The following MYO3B variants were observed in gnomAD, a reference collection of about 807,000 sequenced individuals.
MYO3B encodes the protein myosin IIIB.
Under a neutral mutation model 174.6 loss-of-function variants are expected in MYO3B, and 156 were observed. The observed-to-expected ratio is 0.89, with a 90% CI of 0.78 to 1.02. The LOEUF (loss-of-function observed/expected upper bound fraction) is 1.02. MYO3B is among the 50% of genes least tolerant of loss of function. The pLI, the probability that MYO3B is intolerant of heterozygous loss-of-function variation, is 0.00. For synonymous variants in MYO3B, 563 were observed against 569.1 expected (o/e 0.99, Z 0.15); for missense variants, 1,632 against 1,639.4 (o/e 1.00, Z 0.08).
At chr2:170,642,954 A>G (rs1231382535) in intron 32 of MYO3B, among the ~76,000 whole-genome samples, 1 of 151,856 alleles carries the variant, frequency 6.6e-6, no homozygotes, top group Non-Finnish European at 1.5e-5. Context: ...TATGGTTCTT[A>G]TTGGGAAGGA....
chr2:170,594,431 T>A lies in MYO3B; in HGVS notation c.3733+50443T>A, dbSNP rs530465954. Among the ~76,000 whole-genome samples the A allele has an allele frequency of 5.8e-4, 89 of 152,308 alleles. No individual in the cohort carries two copies. In the South Asian group the frequency reaches 0.018, roughly 31 times the overall value. On this transcript the variant is annotated intron_variant, in intron 32 of 34. Transcript: ENST00000408978. Reference sequence around the variant, plus strand: ...GAAGATACAGGTTACATGATTTTAGTCCCTGGAATACCTGAAGCCAGCTCT... The same window carrying A: ...GAAGATACAGGTTACATGATTTTAGACCCTGGAATACCTGAAGCCAGCTCT...
chr2:170,342,945 T>C (rs1296725735), intron 8 of MYO3B, among the ~76,000 whole-genome samples: 1 of 152,028 alleles, frequency 6.6e-6, no homozygotes, highest in Non-Finnish European at 1.5e-5. Flanking sequence ...TTTCTCTTCT[T>C]TGACACCAAT....
chr2:170,239,898 C>T (rs1346089153), intron 7 of MYO3B, among the ~76,000 whole-genome samples: 2 of 152,146 alleles, frequency 1.3e-5, no homozygotes, highest in South Asian at 2.1e-4. Context: ...CCCACATCAG[C>T]GGGTCAGCAG....
chr2:170,637,025 T>C (rs1371818090), intron 32 of MYO3B, among the ~76,000 whole-genome samples: 1 of 151,810 alleles, frequency 6.6e-6, no homozygotes, highest in African/African-American at 2.4e-5. Context: ...GAAATATCAC[T>C]TGTATAACAC....
intron 8 of MYO3B, among the ~76,000 whole-genome samples, chr2:170,363,784 A>G (rs1413473790): frequency 2.0e-5 from 3 of 152,268 alleles, no homozygotes; most frequent in Non-Finnish European, 4.4e-5. Flanking sequence ...ACCACCCATC[A>G]TGGCCTTATT....
At chr2:170,277,502 A>G (rs1017086523) in intron 7 of MYO3B, among the ~76,000 whole-genome samples, 3 of 152,208 alleles carry the variant, frequency 2.0e-5, no homozygotes, top group African/African-American at 7.2e-5. Flanking sequence ...GCTGAGTGTG[A>G]TTGCACAAAG....
rs2092356488 is a variant in MYO3B at position 170,178,298 on chromosome 2, C to A, written c.2+9C>A. 6.2e-7 allele frequency: 1 copy of A among 1,613,996 alleles called. No homozygotes were observed. Among genetic ancestry groups the A allele is most frequent in the African/African-American group, 1.3e-5 (1 of 74,934 alleles). ...GAAAATAGGTCATCGATGTGAGTTG[C>A]AGTTATTTTCCTTCCAGCTTTCTTC... On this transcript the variant is annotated intron_variant, in intron 1 of 34. Transcript: ENST00000408978.
intron 22 of MYO3B, among the ~76,000 whole-genome samples, chr2:170,410,592 GAAAAAAA>G (rs59296953): frequency 8.9e-6 from 1 of 112,530 alleles, no homozygotes; most frequent in African/African-American, 3.4e-5. Context: ...CAAAAAAAAA[GAAAAAAA>G]AAAAAAAAAA....
chr2:170,178,371 C>CTT, intron 1 of MYO3B, 82 bp downstream of exon 1: 20 of 1,584,292 alleles, frequency 1.3e-5, no homozygotes, highest in Non-Finnish European at 1.6e-5. Flanking sequence ...TGCAGCTGCC[C>CTT]TGGCTGGTGG....
At chr2:170,596,990 T>C (rs1694193153) in intron 32 of MYO3B, among the ~76,000 whole-genome samples, 4 of 152,100 alleles carry the variant, frequency 2.6e-5, no homozygotes, top group Admixed American at 2.6e-4. Flanking sequence ...GGGTGGGGAA[T>C]CTCCGTTTCA....
At chr2:170,182,986 G>A (rs1214406589) in intron 1 of MYO3B, among the ~76,000 whole-genome samples, 1 of 152,004 alleles carries the variant, frequency 6.6e-6, no homozygotes, top group East Asian at 1.9e-4. Context: ...GCTGGGCGCT[G>A]TGGCTCATGC....
At chr2:170,540,403 C>T (rs1430730210) in intron 30 of MYO3B, among the ~76,000 whole-genome samples, 2 of 152,006 alleles carry the variant, frequency 1.3e-5, no homozygotes, top group African/African-American at 2.4e-5. Flanking sequence ...TGTATCCATG[C>T]AATAAGCATT....
At chr2:170,372,118 C>CAAAAAAAAAAAAAAAAAA (rs769243145) in intron 9 of MYO3B, among the ~76,000 whole-genome samples, 5 of 22,210 alleles carry the variant, frequency 2.3e-4, no homozygotes, top group African/African-American at 3.7e-4. Context: ...GACCCTGTCT[C>CAAAAAAAAAAAAAAAAAA]AAAAAAAAAA....
At chr2:170,531,839 T>C (rs887746159) in intron 30 of MYO3B, among the ~76,000 whole-genome samples, 1 of 152,108 alleles carries the variant, frequency 6.6e-6, no homozygotes, top group Admixed American at 6.5e-5. Context: ...TACAATAAAA[T>C]ATGAAATAAT....
intron 15 of MYO3B, 148 bp downstream of exon 15, chr2:170,391,766 A>G (rs1040938258): frequency 1.5e-5 from 9 of 584,816 alleles, no homozygotes; most frequent in Admixed American, 7.4e-5. Context: ...GGAAGTATCC[A>G]CCATTTTCAT....
intron 17 of MYO3B, 53 bp from the exon 18 acceptor site, chr2:170,401,424 AGACT>A: frequency 3.3e-6 from 5 of 1,508,482 alleles, no homozygotes; most frequent in Non-Finnish European, 4.6e-6. Flanking sequence ...AATGCTGAAC[AGACT>A]GACTGAATGA....
chr2:170,537,609 G>T (rs1689805924), intron 30 of MYO3B, among the ~76,000 whole-genome samples: 1 of 151,450 alleles, frequency 6.6e-6, no homozygotes, highest in South Asian at 2.1e-4. Flanking sequence ...ACCCTGTCTG[G>T]CTAGTTTTTG....
intron 7 of MYO3B, among the ~76,000 whole-genome samples, chr2:170,261,650 C>T (rs2093346813): frequency 6.6e-6 from 1 of 152,212 alleles, no homozygotes; most frequent in African/African-American, 2.4e-5. Context: ...GATCTTTCAT[C>T]ATGAAGTGTA....
intron 8 of MYO3B, among the ~76,000 whole-genome samples, chr2:170,355,181 G>A (rs1277108081): frequency 6.6e-6 from 1 of 152,126 alleles, no homozygotes; most frequent in East Asian, 1.9e-4. Flanking sequence ...GTGTCCTCAG[G>A]AACATGAACC....
Sources: allele counts gnomAD v4.1 joint callset (sites outside exome capture counted in the v4.1 genomes callset), GRCh38; gene constraint gnomAD v4.1.1; transcripts MANE v1.5; gene names NCBI Gene and HGNC (gene_info 2026-07-23, HGNC 2026-07-21).